CDK8: variants seen among roughly 807,000 people sequenced by gnomAD.
CDK8 encodes cyclin-dependent kinase 8.
A neutral mutation model predicts 71.5 loss-of-function variants in CDK8; 29 were observed. That is an observed-to-expected ratio of 0.41 (90% CI 0.30 to 0.55). The LOEUF (loss-of-function observed/expected upper bound fraction) is 0.55. Among genes scored for constraint, CDK8 ranks in the 20% least tolerant of loss-of-function variants. The pLI is 0.37. For missense variants in CDK8, 288 were observed against 572.6 expected (o/e 0.50, Z 5.07); for synonymous variants, 161 against 192.1 (o/e 0.84, Z 1.34).
chr13:26,309,568 T>G (rs1874193557), intron 1 of CDK8, among the ~76,000 whole-genome samples: 1 of 152,184 alleles, frequency 6.6e-6, no homozygotes, highest in African/African-American at 2.4e-5. Context: ...AATTCCTTCT[T>G]CTACCACAAA....
chr13:26,281,606 C>T (rs1156758123), intron 1 of CDK8, among the ~76,000 whole-genome samples: 20 of 152,198 alleles, frequency 1.3e-4, no homozygotes, highest in Admixed American at 1.3e-3. Context: ...CAAAAGACCA[C>T]ACTAGCTCCC....
chr13:26,277,958 C>T (rs973914818), intron 1 of CDK8, among the ~76,000 whole-genome samples: 1 of 152,104 alleles, frequency 6.6e-6, no homozygotes, highest in Non-Finnish European at 1.5e-5. Flanking sequence ...TGTTTTGTGA[C>T]CCCCAAGTGT....
intron 5 of CDK8, among the ~76,000 whole-genome samples, chr13:26,383,362 G>A (rs1211784073): frequency 2.0e-5 from 3 of 152,212 alleles, no homozygotes; most frequent in Admixed American, 1.3e-4. Context: ...AGACTGTCTC[G>A]TAGTAGGCCT....
chr13:26,284,904 A>G (rs1273352918), intron 1 of CDK8, among the ~76,000 whole-genome samples: 1 of 151,330 alleles, frequency 6.6e-6, no homozygotes, highest in Non-Finnish European at 1.5e-5. Context: ...AGAAAACCAC[A>G]TACCAATATC....
chr13:26,345,085 G>T (rs1365150862), intron 2 of CDK8, among the ~76,000 whole-genome samples: 1 of 152,164 alleles, frequency 6.6e-6, no homozygotes, highest in Non-Finnish European at 1.5e-5. Flanking sequence ...TATTATGAAG[G>T]TTGTGTGTCA....
chr13:26,390,799 C>A (rs183835615), intron 6 of CDK8, among the ~76,000 whole-genome samples: 189 of 152,300 alleles, frequency 1.2e-3, no homozygotes, highest in African/African-American at 4.5e-3. Context: ...TGAGCAAAGT[C>A]TTTTCTCCTC....
At chr13:26,381,197 C>T (rs1297893611) in intron 4 of CDK8, among the ~76,000 whole-genome samples, 1 of 152,204 alleles carries the variant, frequency 6.6e-6, no homozygotes, top group East Asian at 1.9e-4. Context: ...CCTGAGCCCA[C>T]ATTTTGAATT....
In CDK8 at chr13:26,254,737, T is replaced by C. The variant is rs147657513; in HGVS notation, c.96T>C (p.Tyr32=). The change falls in exon 1 of 13, where the codon TAT becomes TAC. Residue 32 remains tyrosine (Y), a synonymous_variant. Transcript: ENST00000381527. This position sits in a 1 kb window ranked among gnomAD's most constrained non-coding sequence, Gnocchi z 6.7. The part of the protein sequence containing the change: ...YEGCKVGRGT[Y]GHVYKAKRKD... ...GCTGCAAAGTTGGCCGAGGCACTTATGGTCACGTCTACAAAGCCAAGAGGA... is the reference window on the plus strand; with the variant it reads ...GCTGCAAAGTTGGCCGAGGCACTTACGGTCACGTCTACAAAGCCAAGAGGA... 9.2e-5 allele frequency: 148 copies of C among 1,612,560 alleles called. No homozygotes were observed. Among genetic ancestry groups the C allele is most frequent in the African/African-American group, 4.0e-4 (30 of 75,022 alleles).
At chr13:26,398,376 C>G (rs1876091754) in intron 9 of CDK8, among the ~76,000 whole-genome samples, 1 of 152,086 alleles carries the variant, frequency 6.6e-6, no homozygotes, top group Non-Finnish European at 1.5e-5. Context: ...CTCCTTGATT[C>G]CCTGCTACTC....
intron 1 of CDK8, among the ~76,000 whole-genome samples, chr13:26,296,974 A>G (rs1873589498): frequency 6.6e-6 from 1 of 152,206 alleles, no homozygotes; most frequent in South Asian, 2.1e-4. Flanking sequence ...AGGACTAACC[A>G]AGGACTAGGA....
chr13:26,278,958 A>G (rs1343620798), intron 1 of CDK8, among the ~76,000 whole-genome samples: 6 of 152,216 alleles, frequency 3.9e-5, no homozygotes, highest in Non-Finnish European at 8.8e-5. Context: ...GATTTAAAGT[A>G]TATGAGATGG....
chr13:26,272,063 AT>A (rs1872353054), intron 1 of CDK8, among the ~76,000 whole-genome samples: 1 of 151,800 alleles, frequency 6.6e-6, no homozygotes, highest in African/African-American at 2.4e-5. Context: ...GCCTCCTGTA[AT>A]TGAGTACTTT....
intron 1 of CDK8, among the ~76,000 whole-genome samples, chr13:26,326,174 CTATT>C (rs1446952438): frequency 6.6e-6 from 1 of 152,132 alleles, no homozygotes; most frequent in African/African-American, 2.4e-5. Flanking sequence ...TTTTAGTTTA[CTATT>C]TAAAGAGTTG....
Position 26,254,549 on chromosome 13 carries a change from G to A in CDK8, c.-93G>A, listed in dbSNP as rs1593218708. 8.6e-7 allele frequency: 1 copy of A among 1,156,178 alleles called. No individual in the cohort carries two copies. Among genetic ancestry groups the A allele is most frequent in the East Asian group, 2.7e-5 (1 of 37,160 alleles). The allele number at this position is 1,156,178 out of a possible 1,614,324, so 71.6% of individuals were successfully genotyped here. On this transcript the variant is annotated 5_prime_UTR_variant, in exon 1 of 13. Transcript: ENST00000381527. This position sits in a 1 kb window ranked among gnomAD's most constrained non-coding sequence, Gnocchi z 6.7. ...CGGCCGGCGGGCGTAGAGCGGGCGG[G>A]TTCCCGGGGGCTGCGGCTGCCCGTG...
chr13:26,321,088 T>C (rs1170058416), intron 1 of CDK8, among the ~76,000 whole-genome samples: 3 of 152,182 alleles, frequency 2.0e-5, no homozygotes, highest in African/African-American at 7.2e-5. Context: ...CATGCAAATA[T>C]ATAAATACTG....
intron 1 of CDK8, among the ~76,000 whole-genome samples, chr13:26,267,879 A>G (rs1030101336): frequency 2.6e-5 from 4 of 152,212 alleles, no homozygotes; most frequent in Non-Finnish European, 5.9e-5. Flanking sequence ...TGAGGTTTCC[A>G]TCAAGCAAGA....
chr13:26,368,304 C>G (rs1874487344), intron 4 of CDK8, among the ~76,000 whole-genome samples: 1 of 152,176 alleles, frequency 6.6e-6, no homozygotes, highest in South Asian at 2.1e-4. Context: ...TTTGTTTGAT[C>G]TAATAACTAC....
intron 4 of CDK8, among the ~76,000 whole-genome samples, chr13:26,360,018 G>C (rs538789449): frequency 1.3e-5 from 2 of 152,186 alleles, no homozygotes; most frequent in African/African-American, 4.8e-5. Context: ...ACCTGGCCTG[G>C]CCTCTTTCAG....
chr13:26,328,411 G>C (rs1177818), intron 1 of CDK8, among the ~76,000 whole-genome samples: 1 of 152,180 alleles, frequency 6.6e-6, no homozygotes, highest in Non-Finnish European at 1.5e-5. Flanking sequence ...CTGGTTGACT[G>C]TTCCAGAATA....
Sources: allele counts gnomAD v4.1 joint callset (sites outside exome capture counted in the v4.1 genomes callset), GRCh38; gene constraint gnomAD v4.1.1; non-coding constraint Gnocchi (gnomAD v3.1); transcripts MANE v1.5; gene names NCBI Gene and HGNC (gene_info 2026-07-23, HGNC 2026-07-21).